The following UHRF2 variants were observed in gnomAD, a reference collection of about 807,000 sequenced individuals.
UHRF2 encodes E3 ubiquitin-protein ligase UHRF2.
UHRF2 carries 23 observed loss-of-function variants against 96.8 expected under a neutral mutation model. That is an observed-to-expected ratio of 0.24 (90% CI 0.17 to 0.34). UHRF2 has a LOEUF of 0.34. Among genes scored for constraint, UHRF2 ranks in the 10% least tolerant of loss-of-function variants. The pLI, the probability that UHRF2 is intolerant of heterozygous loss-of-function variation, is 1.00. For synonymous variants in UHRF2, 385 were observed against 332.6 expected (o/e 1.16, Z -1.72); for missense variants, 685 against 981.5 (o/e 0.70, Z 4.04).
At chr9:6,455,867 C>T (rs1822144835) in intron 3 of UHRF2, among the ~76,000 whole-genome samples, 1 of 152,110 alleles carries the variant, frequency 6.6e-6, no homozygotes. Flanking sequence ...GTCTGTAGCC[C>T]CCGCTTCTTG....
intron 3 of UHRF2, chr9:6,449,537 A>G (rs1188964178): frequency 1.3e-5 from 2 of 152,210 alleles, no homozygotes; most frequent in African/African-American, 4.8e-5. Context: ...AAAATGGCTT[A>G]AAAAGGATTC....
At chr9:6,502,148 CA>C (rs1267380684) in intron 14 of UHRF2, among the ~76,000 whole-genome samples, 1 of 152,314 alleles carries the variant, frequency 6.6e-6, no homozygotes, top group African/African-American at 2.4e-5. Flanking sequence ...TAAATAAATA[CA>C]TATGTGTATA....
chr9:6,481,742 T>C lies in UHRF2; in HGVS notation c.1260T>C (p.Thr420=). Residue 420 remains threonine, a synonymous_variant, in exon 7 of 16, where the codon ACT becomes ACC. Transcript: ENST00000276893. ...KKKAKMPSAS[T]ESRRDWGRGM... Reference sequence around the variant, plus strand: ...AAGCAAAGATGCCGTCAGCTAGTACTGAAAGCCGAAGAGACTGGGGCAGGG... The same window carrying C: ...AAGCAAAGATGCCGTCAGCTAGTACCGAAAGCCGAAGAGACTGGGGCAGGG... The C allele has an allele frequency of 6.2e-7, 1 of 1,613,840 alleles. No homozygotes were observed. Among genetic ancestry groups the C allele is most frequent in the Non-Finnish European group, 8.5e-7 (1 of 1,179,852 alleles).
chr9:6,474,356 C>T (rs1157393924), intron 4 of UHRF2, among the ~76,000 whole-genome samples: 1 of 152,192 alleles, frequency 6.6e-6, no homozygotes, highest in Non-Finnish European at 1.5e-5. Flanking sequence ...ATAAGATATT[C>T]AGTAAGATTT....
chr9:6,487,237 T>C (rs1226366020), intron 9 of UHRF2, among the ~76,000 whole-genome samples: 1 of 133,004 alleles, frequency 7.5e-6, no homozygotes, highest in Non-Finnish European at 1.5e-5. Flanking sequence ...TCACCTGGGC[T>C]GGAGTGCAGT....
intron 3 of UHRF2, among the ~76,000 whole-genome samples, chr9:6,435,960 G>A (rs1303679959): frequency 6.6e-6 from 1 of 152,180 alleles, no homozygotes; most frequent in Non-Finnish European, 1.5e-5. Flanking sequence ...AACTTGTCTT[G>A]AGGGTTTAGA....
chr9:6,448,999 C>G (rs1478020728), intron 3 of UHRF2, among the ~76,000 whole-genome samples: 1 of 152,194 alleles, frequency 6.6e-6, no homozygotes, highest in Non-Finnish European at 1.5e-5. Context: ...CCATCATCAA[C>G]TCATAGCCAA....
chr9:6,496,101 T>G (rs1284181123), intron 10 of UHRF2: 2 of 152,158 alleles, frequency 1.3e-5, no homozygotes, highest in Non-Finnish European at 2.9e-5. Context: ...ACTAAAAATA[T>G]AATTATGGTC....
At chr9:6,432,835 G>A (rs1427076510) in intron 2 of UHRF2, among the ~76,000 whole-genome samples, 1 of 151,338 alleles carries the variant, frequency 6.6e-6, no homozygotes, top group Non-Finnish European at 1.5e-5. Flanking sequence ...AAAGGGCTCT[G>A]GCCATTTTTT....
In UHRF2 at chr9:6,421,104, C is replaced by T. The variant is rs748966033; in HGVS notation, c.346C>T (p.Arg116Cys). The stretch of plus-strand genomic sequence containing the variant: ...TTCCAATCAGCCATCTACATCAGCT[C>T]GTGCCCGTCTTATTGATCCTGGCTT... ...GPSNQPSTSARARLIDPGFGI... is the reference protein window; with the variant it reads ...GPSNQPSTSACARLIDPGFGI... Residue 116 changes from arginine (R) to cysteine (C), a missense_variant, in exon 2 of 16, where the codon CGT becomes TGT. Coordinates refer to ENST00000276893, the MANE Select transcript of UHRF2 (RefSeq NM_152896.3). 59 of 1,613,930 alleles carry T rather than the reference C, an allele frequency of 3.7e-5. No individual in the cohort carries two copies. Among genetic ancestry groups the T allele is most frequent in the African/African-American group, 9.3e-5 (7 of 74,892 alleles).
At chr9:6,498,607 A>G (rs1393148766) in intron 12 of UHRF2, 1 of 154,532 alleles carries the variant, frequency 6.5e-6, no homozygotes, top group African/African-American at 2.4e-5. Context: ...CTTCCCCCGC[A>G]AAGCTGCTTC....
chr9:6,474,215 A>G (rs1823423071), intron 4 of UHRF2, among the ~76,000 whole-genome samples: 4 of 152,222 alleles, frequency 2.6e-5, no homozygotes, highest in Admixed American at 6.5e-5. Flanking sequence ...CTATGCATTT[A>G]TGCAGTTTTT....
intron 4 of UHRF2, among the ~76,000 whole-genome samples, chr9:6,463,355 A>G (rs1822666734): frequency 2.6e-5 from 4 of 152,296 alleles, no homozygotes; most frequent in Middle Eastern, 3.4e-3. Flanking sequence ...TGGTTATGTG[A>G]TAGCTATCCC....
intron 6 of UHRF2, among the ~76,000 whole-genome samples, chr9:6,480,820 A>G (rs1281706662): frequency 6.6e-6 from 1 of 152,212 alleles, no homozygotes; most frequent in Admixed American, 6.5e-5. Context: ...TGAATTATTT[A>G]AATTTTTCTC....
At chr9:6,483,407 A>G (rs1242082078) in intron 8 of UHRF2, among the ~76,000 whole-genome samples, 1 of 151,932 alleles carries the variant, frequency 6.6e-6, no homozygotes, top group Non-Finnish European at 1.5e-5. Flanking sequence ...TTTATATGTT[A>G]AATCACCTCT....
chr9:6,422,097 C>G (rs1409293827), intron 2 of UHRF2, among the ~76,000 whole-genome samples: 1 of 152,132 alleles, frequency 6.6e-6, no homozygotes, highest in Non-Finnish European at 1.5e-5. Flanking sequence ...GAATTTCTAC[C>G]TAGGAATAGA....
At chr9:6,469,379 G>T (rs911439790) in intron 4 of UHRF2, among the ~76,000 whole-genome samples, 1 of 151,938 alleles carries the variant, frequency 6.6e-6, no homozygotes, top group Non-Finnish European at 1.5e-5. Flanking sequence ...TTAGCTGGGC[G>T]TGGTGGCAGG....
At chr9:6,480,918 TTG>T (rs1823886987) in intron 6 of UHRF2, among the ~76,000 whole-genome samples, 1 of 152,260 alleles carries the variant, frequency 6.6e-6, no homozygotes, top group Middle Eastern at 3.4e-3. Flanking sequence ...GAATAGATAA[TTG>T]TGAAATAGAA....
intron 3 of UHRF2, among the ~76,000 whole-genome samples, chr9:6,438,247 C>T (rs1820965961): frequency 6.6e-6 from 1 of 152,140 alleles, no homozygotes; most frequent in African/African-American, 2.4e-5. Context: ...AATGGTCTGC[C>T]TTGAGAAGTA....
Sources: gnomAD v4.1 joint callset for allele counts (sites outside exome capture counted in the v4.1 genomes callset) on GRCh38, gnomAD v4.1.1 for gene constraint, MANE v1.5 for transcripts, NCBI Gene and HGNC (gene_info 2026-07-23, HGNC 2026-07-21) for gene names.